The following GAK variants were observed in gnomAD, a reference collection of about 807,000 sequenced individuals.
GAK encodes cyclin-G-associated kinase.
Under a neutral mutation model 143.9 loss-of-function variants are expected in GAK, and 79 were observed. The observed-to-expected ratio is 0.55, with a 90% CI of 0.46 to 0.66. GAK has a LOEUF of 0.66. Ranked by LOEUF, GAK falls within the 30% of genes least tolerant of loss-of-function variation. The probability of loss-of-function intolerance (pLI) is 0.00; values close to 1 mark genes in which losing one functional copy is unlikely to be tolerated. For missense variants in GAK, 1,693 were observed against 1,779.7 expected, an observed-to-expected ratio of 0.95 and a Z score of 0.88; for synonymous variants, 881 against 765.5, an observed-to-expected ratio of 1.15 and a Z score of -2.49.
intron 7 of GAK, 93 bp from the exon 8 acceptor site, chr4:894,102 A>C: frequency 7.6e-7 from 1 of 1,315,620 alleles, no homozygotes; most frequent in Non-Finnish European, 9.9e-7. Context: ...GCCCAGGCCC[A>C]CGGGGAATGC....
At chr4:928,575 G>A (rs1050762676) in intron 1 of GAK, among the ~76,000 whole-genome samples, 31 of 152,152 alleles carry the variant, frequency 2.0e-4, no homozygotes, top group Non-Finnish European at 1.0e-4. Context: ...GACACATGGG[G>A]CCAGCATGCG....
chr4:873,952 C>T (rs1454963434), intron 18 of GAK, among the ~76,000 whole-genome samples: 4 of 152,176 alleles, frequency 2.6e-5, no homozygotes, highest in African/African-American at 7.2e-5. Context: ...CTATATCCCA[C>T]CTGGGTTTGT....
chr4:859,695 G>T lies in GAK; in HGVS notation c.3194C>A (p.Pro1065Gln), dbSNP rs199901666. 5.6e-6 allele frequency: 9 copies of T among 1,598,660 alleles called. No homozygotes were observed. Among genetic ancestry groups the T allele is most frequent in the Non-Finnish European group, 7.7e-6 (9 of 1,167,340 alleles). ...EGPLFSPGGQ[P>Q]APCGSQASWT... ...GCTGGCCTGAGAGCCACAAGGGGCC[G>T]GCTGACCTCCAGGAGAGAAGAGGGG... Residue 1065 changes from proline to glutamine, a missense_variant, in exon 24 of 28, where the codon CCG becomes CAG. By Grantham distance (76) the Pro-to-Gln change is moderately conservative. Around this residue, in one of 2 missense-constraint regions of GAK, gnomAD observed 822 missense variants for 788.7 expected, o/e 1.04. Coordinates refer to ENST00000314167, the MANE Select transcript of GAK (RefSeq NM_005255.4).
intron 5 of GAK, among the ~76,000 whole-genome samples, chr4:901,479 G>A (rs78651370): frequency 6.6e-6 from 1 of 152,264 alleles, no homozygotes; most frequent in Admixed American, 6.5e-5. Flanking sequence ...ACGAGCAGAC[G>A]CTGGAGAGGA....
At chr4:899,738 C>T (rs1174631131) in intron 5 of GAK, among the ~76,000 whole-genome samples, 1 of 152,230 alleles carries the variant, frequency 6.6e-6, no homozygotes. Context: ...AGACGCTCTC[C>T]AACCACAGCG....
intron 18 of GAK, among the ~76,000 whole-genome samples, chr4:874,002 T>A (rs78509255): frequency 0.061 from 9,279 of 152,266 alleles, 325 homozygotes; most frequent in Middle Eastern, 0.11. Context: ...TCATCACATA[T>A]TTTTTGTTCC....
At chr4:908,864 A>C (rs1721538202) in intron 4 of GAK, among the ~76,000 whole-genome samples, 1 of 152,218 alleles carries the variant, frequency 6.6e-6, no homozygotes, top group South Asian at 2.1e-4. Flanking sequence ...ATAAGCACTC[A>C]TAAAACTCTG....
At chr4:930,838 G>C (rs1334528027) in intron 1 of GAK, among the ~76,000 whole-genome samples, 2 of 152,174 alleles carry the variant, frequency 1.3e-5, no homozygotes, top group Non-Finnish European at 2.9e-5. Flanking sequence ...TAATGCTACA[G>C]TCAAAATGTC....
At position 870,764 on chromosome 4, in the gene GAK, G is replaced by T; in HGVS notation, c.2195C>A (p.Pro732His). Reference protein sequence around the residue: ...WENSSMRGLNPKILFSSREEQ... With the variant: ...WENSSMRGLNHKILFSSREEQ... The stretch of plus-strand genomic sequence containing the variant: ...CTCCCGGCTGGAAAACAGGATTTTG[G>T]GGTTCAGCCCCCTCATGCTCGAGTT... Residue 732 changes from proline to histidine, a missense_variant, in exon 19 of 28, where the codon CCC (proline) becomes CAC (histidine). By Grantham distance (77) the Pro-to-His change is moderately conservative. Around this residue, in one of 2 missense-constraint regions of GAK, gnomAD observed 822 missense variants for 788.7 expected, o/e 1.04. Transcript: ENST00000314167. The T allele has an allele frequency of 6.2e-7, 1 of 1,613,996 alleles. No homozygotes were observed. Among genetic ancestry groups the T allele is most frequent in the Non-Finnish European group, 8.5e-7 (1 of 1,179,978 alleles).
intron 18 of GAK, among the ~76,000 whole-genome samples, chr4:873,913 C>T (rs145318886): frequency 8.3e-4 from 127 of 152,136 alleles, no homozygotes; most frequent in Non-Finnish European, 1.3e-3. Context: ...CACAGCAGGG[C>T]GTCGGTCTAC....
At chr4:875,631 C>T (rs1177547744) in intron 18 of GAK, among the ~76,000 whole-genome samples, 8 of 152,262 alleles carry the variant, frequency 5.3e-5, no homozygotes, top group Non-Finnish European at 4.4e-5. Context: ...ACTCCTGGAA[C>T]AATGTTTGTT....
chr4:880,559 C>G lies in GAK; in HGVS notation c.1661+1348G>C, dbSNP rs570219706. On this transcript the variant is annotated intron_variant, in intron 15 of 27. Coordinates refer to ENST00000314167, the MANE Select transcript of GAK (RefSeq NM_005255.4). ...GACTGTGCCTTCCAGAGGGCAAGGA[C>G]CCTTCCAGTCCTGCAACCCTGAAGG... Among the ~76,000 whole-genome samples the G allele has an allele frequency of 2.0e-5, 3 of 152,302 alleles. No homozygotes were observed. The South Asian group carries it at 6.2e-4, about 32-fold the overall frequency.
chr4:891,287 C>T (rs1438634984), intron 9 of GAK, among the ~76,000 whole-genome samples: 35 of 145,748 alleles, frequency 2.4e-4, no homozygotes, highest in Admixed American at 9.7e-4. Flanking sequence ...TTTTTTGAAA[C>T]GGAGTCTCAC....
chr4:906,955 C>T (rs1721186585), intron 4 of GAK, among the ~76,000 whole-genome samples: 1 of 152,230 alleles, frequency 6.6e-6, no homozygotes, highest in East Asian at 1.9e-4. Flanking sequence ...ACTCTGCCCA[C>T]ACCACCTAAA....
Position 917,610 on chromosome 4 carries a change from A to G in GAK, c.146-3942T>C, listed in dbSNP as rs190994599. On this transcript the variant is annotated intron_variant, in intron 1 of 27. Transcript: ENST00000314167. Reference sequence around the variant, plus strand: ...AATCTATAGTAACAGAAGGCCAATCAGTGGTTTCCTGGGATGGGAACAGGA... The same window carrying G: ...AATCTATAGTAACAGAAGGCCAATCGGTGGTTTCCTGGGATGGGAACAGGA... Among the ~76,000 whole-genome samples the G allele has an allele frequency of 2.8e-4, 42 of 152,398 alleles. No individual in the cohort carries two copies. In the East Asian group the frequency reaches 4.4e-3, roughly 16 times the overall value.
At chr4:896,925 G>A (rs1310837672) in intron 6 of GAK, among the ~76,000 whole-genome samples, 1 of 152,246 alleles carries the variant, frequency 6.6e-6, no homozygotes, top group Non-Finnish European at 1.5e-5. Context: ...AGCAGCTTCT[G>A]TGACACCCAG....
Position 852,032 on chromosome 4 carries a change from T to C in GAK, c.3284-58A>G, listed in dbSNP as rs1373911535. 23 of 1,375,086 alleles carry C rather than the reference T, an allele frequency of 1.7e-5. No individual in the cohort carries two copies. In the South Asian group the frequency reaches 2.4e-4, roughly 14 times the overall value. The allele number at this position is 1,375,086 out of a possible 1,614,324, so 85.2% of individuals were successfully genotyped here. A position where few individuals can be genotyped will look rare whatever the true frequency, so the allele number is the denominator to read the frequency against. On this transcript the variant is annotated intron_variant, in intron 24 of 27. Coordinates refer to ENST00000314167, the MANE Select transcript of GAK (RefSeq NM_005255.4). ...GGTTGTCCATGAGGGGCAACTACTG[T>C]TTCTATAACGCAGAGCACCACGTAT...
At chr4:909,506 A>G (rs188540831) in intron 4 of GAK, among the ~76,000 whole-genome samples, 1 of 152,090 alleles carries the variant, frequency 6.6e-6, no homozygotes, top group Non-Finnish European at 1.5e-5. Flanking sequence ...GCATGGACGC[A>G]CGGGAGGGGC....
intron 9 of GAK, among the ~76,000 whole-genome samples, chr4:891,816 C>T (rs1466931914): frequency 6.6e-6 from 1 of 152,180 alleles, no homozygotes; most frequent in Non-Finnish European, 1.5e-5. Flanking sequence ...TGCTAAAGAG[C>T]AGGACGGCCC....
Sources: gnomAD v4.1 joint callset for allele counts (sites outside exome capture counted in the v4.1 genomes callset) on GRCh38, gnomAD v4.1.1 for gene constraint, gnomAD v4.1.1 regional missense constraint, MANE v1.5 for transcripts, NCBI Gene and HGNC (gene_info 2026-07-23, HGNC 2026-07-21) for gene names.